SYDE2: variants seen among roughly 807,000 people sequenced by gnomAD.
The protein encoded by SYDE2 is synapse defective Rho GTPase homolog 2, also known as rho GTPase-activating protein SYDE2.
SYDE2 carries 76 observed loss-of-function variants against 91.5 expected under a neutral mutation model. That is an observed-to-expected ratio of 0.83 (90% confidence interval 0.69 to 1.01). The LOEUF is 1.01. Among genes scored for constraint, SYDE2 ranks in the 50% least tolerant of loss-of-function variants. SYDE2 has a pLI of 0.00. For synonymous variants in SYDE2, 513 were observed against 506.4 expected (o/e 1.01, Z -0.18); for missense variants, 1,364 against 1,367.7 (o/e 1.00, Z 0.04).
Position 85,160,010 on chromosome 1 carries a change from T to TA in SYDE2, c.3086-762dup, listed in dbSNP as rs1557739203. On this transcript the variant is annotated intron_variant, in intron 6 of 6. Coordinates refer to ENST00000341460, the MANE Select transcript of SYDE2 (RefSeq NM_032184.2). ...AGACGATTACCACAGAGACACACAT[T>TA]ACTTCATTACAAACCAAGGTTTACT... 26 of 835,736 alleles carry TA rather than the reference T, an allele frequency of 3.1e-5. 2 individuals carry two copies. Among genetic ancestry groups the TA allele is most frequent in the East Asian group, 2.3e-4 (2 of 8,808 alleles). 51.8% of individuals were successfully genotyped at this position (835,736 alleles called of 1,614,324 possible).
At chr1:85,154,022 C>A (rs942704322), downstream of SYDE2, 1 of 152,182 alleles carries the variant, frequency 6.6e-6, no homozygotes, top group Non-Finnish European at 1.5e-5. Flanking sequence ...ATCAAGAAAT[C>A]TGACTTGTGG....
intron 4 of SYDE2, among the ~76,000 whole-genome samples, chr1:85,174,200 A>G (rs1657605783): frequency 6.6e-6 from 1 of 152,202 alleles, no homozygotes; most frequent in Non-Finnish European, 1.5e-5. Context: ...AAAAACTACA[A>G]TTATAGTTGA....
Position 85,159,161 on chromosome 1 carries a change from T to C in SYDE2, c.3174A>G (p.Arg1058=), listed in dbSNP as rs1656973370. 1.3e-6 allele frequency: 1 copy of C among 780,688 alleles called. No individual in the cohort carries two copies. The highest frequency in any genetic ancestry group is 1.7e-5 in the Admixed American group (1 of 59,018). The allele number at this position is 780,688 out of a possible 1,614,324, so 48.4% of individuals were successfully genotyped here. ...TACCACTCAAATTTAACATATGAGG[T>C]CGTTCTTTCTTCTGCCTCAGATAAT... is the stretch of plus-strand genomic sequence containing the variant. ...SLNYLRQKKE[R]PHMLNLSGTD... Residue 1058 remains arginine (R), a synonymous_variant, in exon 7 of 7, where the codon CGA becomes CGG. Coordinates refer to ENST00000341460, the MANE Select transcript of SYDE2 (RefSeq NM_032184.2).
intron 5 of SYDE2, among the ~76,000 whole-genome samples, chr1:85,167,982 C>G (rs1007685071): frequency 6.6e-6 from 1 of 152,030 alleles, no homozygotes; most frequent in Non-Finnish European, 1.5e-5. Flanking sequence ...GGCATGGTGG[C>G]GCCCACCTGT....
intron 4 of SYDE2, among the ~76,000 whole-genome samples, chr1:85,174,034 C>T (rs914458159): frequency 6.8e-6 from 1 of 147,548 alleles, no homozygotes; most frequent in Non-Finnish European, 1.5e-5. Flanking sequence ...TAAAATGAAA[C>T]GAAGTATGGA....
At chr1:85,200,104 C>A in intron 1 of SYDE2, 148 bp downstream of exon 1, 1 of 1,479,886 alleles carries the variant, frequency 6.8e-7, no homozygotes, top group Non-Finnish European at 8.9e-7. Context: ...CCCGAAATTA[C>A]TTTAAGCTGC....
At chr1:85,155,302 T>C (rs1323708253), downstream of SYDE2, among the ~76,000 whole-genome samples, 1 of 152,104 alleles carries the variant, frequency 6.6e-6, no homozygotes, top group African/African-American at 2.4e-5. Flanking sequence ...ATAGTATGAT[T>C]AAAAGAAGAG....
chr1:85,200,865 G>A lies in SYDE2; in HGVS notation c.132C>T (p.Pro44=). The change falls in exon 1 of 7, where the codon CCC becomes CCT. Residue 44 remains proline (P), a synonymous_variant. Coordinates refer to ENST00000341460, the MANE Select transcript of SYDE2 (RefSeq NM_032184.2). ...CGCCGCCTCCCCGCTCCCCGTCCCG[G>A]GGGCAGGCTCGGCGGTACGCGGCGC... The part of the protein sequence containing the change: ...SRGAAYRRAC[P]RDGERGGGGR... 5 of 1,364,802 alleles carry A rather than the reference G, an allele frequency of 3.7e-6. No individual in the cohort carries two copies. The highest frequency in any genetic ancestry group is 4.7e-6 in the Non-Finnish European group (5 of 1,069,342). The allele number at this position is 1,364,802 out of a possible 1,614,324, so 84.5% of individuals were successfully genotyped here. A position where few individuals can be genotyped will look rare whatever the true frequency, so the allele number is the denominator to read the frequency against.
In SYDE2 at chr1:85,174,256, A is replaced by G. The variant is rs1657607647; in HGVS notation, c.2671+3890T>C. Among the ~76,000 whole-genome samples, 3 of 152,226 alleles carry G rather than the reference A, an allele frequency of 2.0e-5. No homozygotes were observed. In the South Asian group the frequency reaches 6.2e-4, roughly 31 times the overall value. On this transcript the variant is annotated intron_variant, in intron 4 of 6. Transcript: ENST00000341460. ...GTGAGTAGAAAGAAAACAAAGATGT[A>G]GAAGACAGGGACATTATTAATTAAC... is the stretch of plus-strand genomic sequence containing the variant.
intron 2 of SYDE2, among the ~76,000 whole-genome samples, chr1:85,185,964 C>T (rs1457636348): frequency 2.0e-5 from 3 of 152,138 alleles, no homozygotes; most frequent in South Asian, 2.1e-4. Context: ...TTTTGAGATA[C>T]GTCCCATCAA....
At chr1:85,169,397 T>C (rs151183310) in intron 4 of SYDE2, among the ~76,000 whole-genome samples, 172 bp from the exon 5 acceptor site, 9 of 152,368 alleles carry the variant, frequency 5.9e-5, no homozygotes, top group Non-Finnish European at 1.2e-4. Context: ...TTCTTTTAAG[T>C]TGCCTTGGTA....
intron 1 of SYDE2, among the ~76,000 whole-genome samples, chr1:85,197,174 G>C (rs952162345): frequency 6.6e-6 from 1 of 152,088 alleles, no homozygotes; most frequent in African/African-American, 2.4e-5. Context: ...AATGACTTTA[G>C]ATTTCTGAAA....
At chr1:85,175,159 G>A (rs2100660812) in intron 4 of SYDE2, among the ~76,000 whole-genome samples, 1 of 152,240 alleles carries the variant, frequency 6.6e-6, no homozygotes, top group South Asian at 2.1e-4. Flanking sequence ...CTAAACAATA[G>A]ATGACTTTTA....
intron 6 of SYDE2, among the ~76,000 whole-genome samples, chr1:85,163,448 T>TATATATATATAG (rs1175934711): frequency 1.1e-4 from 9 of 81,688 alleles, no homozygotes; most frequent in Admixed American, 6.2e-4. Flanking sequence ...CTTTAATCTA[T>TATATATATATAG]ATATATATAT....
intron 1 of SYDE2, among the ~76,000 whole-genome samples, chr1:85,194,379 C>T (rs1023331417): frequency 1.8e-4 from 27 of 148,258 alleles, no homozygotes; most frequent in African/African-American, 5.6e-4. Context: ...TATATATTGC[C>T]TATAAATTAT....
At chr1:85,195,689 A>G (rs1485240257) in intron 1 of SYDE2, among the ~76,000 whole-genome samples, 1 of 152,166 alleles carries the variant, frequency 6.6e-6, no homozygotes, top group Non-Finnish European at 1.5e-5. Context: ...ACAAAAGATG[A>G]GCAGAATAAA....
Position 85,176,716 on chromosome 1 carries a change from C to A in SYDE2, c.2671+1430G>T, listed in dbSNP as rs545719308. Among the ~76,000 whole-genome samples the A allele has an allele frequency of 1.3e-4, 20 of 152,046 alleles. No homozygotes were observed. The South Asian group carries it at 4.2e-3, about 32-fold the overall frequency. On this transcript the variant is annotated intron_variant, in intron 4 of 6. Coordinates refer to ENST00000341460, the MANE Select transcript of SYDE2 (RefSeq NM_032184.2). ...GAAGATCTGGAGATACACACTGAAG[C>A]ATCTATAAATGAAAGGATACGTCTG...
chr1:85,183,161 C>A lies in SYDE2; in HGVS notation c.1481G>T (p.Gly494Val). Residue 494 changes from glycine (G) to valine (V), a missense_variant, in exon 3 of 7, where the codon GGA (glycine) becomes GTA (valine). Transcript: ENST00000341460. Reference protein sequence around the residue: ...ILAATNSTELGIMEPSSPNPS... With the variant: ...ILAATNSTELVIMEPSSPNPS... ...ATTTGGAGAAGATGGTTCCATAATT[C>A]CCAATTCAGTACTATTTGTAGCAGC... 6.3e-7 allele frequency: 1 copy of A among 1,598,972 alleles called. No individual in the cohort carries two copies. Among genetic ancestry groups the A allele is most frequent in the Non-Finnish European group, 8.5e-7 (1 of 1,175,388 alleles).
intron 4 of SYDE2, among the ~76,000 whole-genome samples, chr1:85,176,532 C>A (rs1657705437): frequency 6.6e-6 from 1 of 152,106 alleles, no homozygotes; most frequent in Admixed American, 6.6e-5. Context: ...ACAAAATTCT[C>A]TTAAATACGT....
Sources: gnomAD v4.1 joint callset for allele counts (sites outside exome capture counted in the v4.1 genomes callset) on GRCh38, gnomAD v4.1.1 for gene constraint, MANE v1.5 for transcripts, NCBI Gene and HGNC (gene_info 2026-07-23, HGNC 2026-07-21) for gene names.